POU6F2: variants seen among roughly 807,000 people sequenced by gnomAD.
POU6F2 encodes POU class 6 homeobox 2.
POU6F2 carries 31 observed loss-of-function variants against 71.3 expected under a neutral mutation model. That is an observed-to-expected ratio of 0.43 (90% CI 0.33 to 0.59). POU6F2 has a LOEUF of 0.59. Among genes scored for constraint, POU6F2 ranks in the 20% least tolerant of loss-of-function variants. The pLI, the probability that POU6F2 is intolerant of heterozygous loss-of-function variation, is 0.04. For missense variants in POU6F2, 783 were observed against 856.8 expected, an observed-to-expected ratio of 0.91 and a Z score of 1.07; for synonymous variants, 347 against 355.7, an observed-to-expected ratio of 0.98 and a Z score of 0.27.
At chr7:39,284,760 GA>G (rs1784621990) in intron 4 of POU6F2, among the ~76,000 whole-genome samples, 1 of 152,166 alleles carries the variant, frequency 6.6e-6, no homozygotes, top group African/African-American at 2.4e-5. Flanking sequence ...CAAGAAATAA[GA>G]AATGGCTTTT....
At chr7:39,162,175 A>G (rs1793010879) in intron 2 of POU6F2, among the ~76,000 whole-genome samples, 1 of 152,190 alleles carries the variant, frequency 6.6e-6, no homozygotes. Flanking sequence ...GTAGCAGGAG[A>G]GAAAAAGAAA....
intron 4 of POU6F2, among the ~76,000 whole-genome samples, chr7:39,317,916 A>T (rs1340685476): frequency 6.6e-6 from 1 of 152,166 alleles, no homozygotes; most frequent in Non-Finnish European, 1.5e-5. Flanking sequence ...CTGGCAAAGG[A>T]ATCCTCAAAT....
chr7:39,215,681 A>G (rs1794226352), intron 4 of POU6F2, among the ~76,000 whole-genome samples: 1 of 152,174 alleles, frequency 6.6e-6, no homozygotes, highest in Non-Finnish European at 1.5e-5. Context: ...AGTGAAGTAG[A>G]TGGAGGTGGG....
intron 2 of POU6F2, among the ~76,000 whole-genome samples, chr7:39,182,377 A>G (rs1360506187): frequency 6.6e-6 from 1 of 152,212 alleles, no homozygotes; most frequent in Non-Finnish European, 1.5e-5. Context: ...GTTTAAACAC[A>G]TTGTATACAT....
chr7:39,171,016 C>CT (rs760022218), intron 2 of POU6F2, among the ~76,000 whole-genome samples: 10,614 of 94,758 alleles, frequency 0.11, 386 homozygotes, highest in Non-Finnish European at 0.14. Context: ...TCACATATAT[C>CT]TTTTTTTTTT....
At position 39,353,730 on chromosome 7, in the gene POU6F2, C is replaced by T. The variant is rs141203807; in HGVS notation, c.972+13715C>T. ...ATGGCTGATTGCCCAGCAGGAGGCC[C>T]GGCCCTCCCCAAAGGTGATGGACTG... On this transcript the variant is annotated intron_variant, in intron 5 of 9. Coordinates refer to ENST00000518318, the MANE Select transcript of POU6F2 (RefSeq NM_001370959.1). Among the ~76,000 whole-genome samples, 38 of 152,228 alleles carry T rather than the reference C, an allele frequency of 2.5e-4. No individual in the cohort carries two copies. In the South Asian group the frequency reaches 3.9e-3, roughly 16 times the overall value.
chr7:39,256,434 A>G (rs1382496797), intron 4 of POU6F2, among the ~76,000 whole-genome samples: 1 of 152,162 alleles, frequency 6.6e-6, no homozygotes, highest in Non-Finnish European at 1.5e-5. Context: ...AGCTGGGAAG[A>G]TCAGAGTGGA....
At chr7:39,146,853 C>T (rs1219914389) in intron 2 of POU6F2, among the ~76,000 whole-genome samples, 2 of 152,116 alleles carry the variant, frequency 1.3e-5, no homozygotes, top group Non-Finnish European at 2.9e-5. Flanking sequence ...GGGGTCTTTC[C>T]ACCAGGCTGC....
chr7:39,380,312 G>A (rs1287343004), intron 5 of POU6F2, among the ~76,000 whole-genome samples: 1 of 152,170 alleles, frequency 6.6e-6, no homozygotes, highest in Non-Finnish European at 1.5e-5. Context: ...CTGAGAATGG[G>A]AATAATAGAA....
At chr7:39,446,281 G>A (rs975615116) in intron 7 of POU6F2, among the ~76,000 whole-genome samples, 4 of 152,166 alleles carry the variant, frequency 2.6e-5, no homozygotes, top group Admixed American at 6.5e-5. Flanking sequence ...CTTTGTTGAA[G>A]GCCAGCCCTC....
At chr7:39,357,072 C>T (rs772510207) in intron 5 of POU6F2, among the ~76,000 whole-genome samples, 3 of 152,062 alleles carry the variant, frequency 2.0e-5, no homozygotes, top group South Asian at 2.1e-4. Flanking sequence ...CTGATTGATC[C>T]GTGGGTTAAA....
chr7:39,053,004 A>G (rs1790427964), intron 1 of POU6F2, among the ~76,000 whole-genome samples: 1 of 152,142 alleles, frequency 6.6e-6, no homozygotes, highest in Non-Finnish European at 1.5e-5. Context: ...ACTAGAAAGC[A>G]CATTATCAGG....
chr7:39,402,591 T>A (rs577424228), intron 5 of POU6F2, among the ~76,000 whole-genome samples: 2 of 152,134 alleles, frequency 1.3e-5, no homozygotes, highest in Admixed American at 6.5e-5. Flanking sequence ...AGGTAATGTC[T>A]TCTCTTGCTG....
chr7:39,391,443 T>C (rs1246284594), intron 5 of POU6F2, among the ~76,000 whole-genome samples: 4 of 152,178 alleles, frequency 2.6e-5, no homozygotes, highest in African/African-American at 9.7e-5. Context: ...GCATAATGAA[T>C]AATAAGATGT....
At chr7:39,281,359 A>C (rs12113417) in intron 4 of POU6F2, among the ~76,000 whole-genome samples, 41,110 of 151,954 alleles carry the variant, frequency 0.27, 6,318 homozygotes, top group African/African-American at 0.41. Flanking sequence ...ATATTGTTAA[A>C]CACAGTTACC....
intron 4 of POU6F2, among the ~76,000 whole-genome samples, chr7:39,308,579 G>T (rs1397371837): frequency 6.6e-6 from 1 of 152,156 alleles, no homozygotes; most frequent in Non-Finnish European, 1.5e-5. Context: ...AATAACCTCA[G>T]AATTCCAACT....
At chr7:39,104,530 A>C (rs1381329458) in intron 2 of POU6F2, among the ~76,000 whole-genome samples, 1 of 152,146 alleles carries the variant, frequency 6.6e-6, no homozygotes, top group East Asian at 1.9e-4. Flanking sequence ...CTGGGTTCCC[A>C]GGGCAAGCAT....
chr7:39,228,097 A>G (rs1434228249), intron 4 of POU6F2, among the ~76,000 whole-genome samples: 2 of 152,188 alleles, frequency 1.3e-5, no homozygotes, highest in Admixed American at 6.5e-5. Flanking sequence ...TTGACTCACA[A>G]TATCTGGATT....
chr7:39,138,256 G>A (rs1285986390), intron 2 of POU6F2, among the ~76,000 whole-genome samples: 1 of 152,066 alleles, frequency 6.6e-6, no homozygotes, highest in Non-Finnish European at 1.5e-5. Context: ...GAAGTGCCTG[G>A]CCCACAGTCA....
Sources: allele counts gnomAD v4.1 joint callset (sites outside exome capture counted in the v4.1 genomes callset), GRCh38; gene constraint gnomAD v4.1.1; transcripts MANE v1.5; gene names NCBI Gene and HGNC (gene_info 2026-07-23, HGNC 2026-07-21).